The following TMEM163 variants were observed in gnomAD, a reference collection of about 807,000 sequenced individuals.
TMEM163 encodes the protein transmembrane protein 163.
Under a neutral mutation model 29.3 loss-of-function variants are expected in TMEM163, and 17 were observed. The observed-to-expected ratio is 0.58, with a 90% CI of 0.40 to 0.87. The LOEUF is 0.87. TMEM163 is among the 40% of genes least tolerant of loss of function. The pLI is 0.00. For synonymous variants in TMEM163, 157 were observed against 160.6 expected (o/e 0.98, Z 0.17); for missense variants, 303 against 381.5 (o/e 0.79, Z 1.71).
intron 2 of TMEM163, among the ~76,000 whole-genome samples, chr2:134,650,066 C>T (rs1683433372): frequency 6.7e-6 from 1 of 148,164 alleles, no homozygotes; most frequent in Non-Finnish European, 1.5e-5. Flanking sequence ...CAAAAATGTC[C>T]ATGATATACA....
intron 5 of TMEM163, among the ~76,000 whole-genome samples, chr2:134,502,526 T>A (rs1313310548): frequency 6.6e-6 from 1 of 152,098 alleles, no homozygotes; most frequent in African/African-American, 2.4e-5. Context: ...AGGAAAAAAA[T>A]AATTCTTAAT....
intron 6 of TMEM163, among the ~76,000 whole-genome samples, chr2:134,465,235 CACACACAT>C (rs372460080): frequency 5.7e-5 from 8 of 141,170 alleles, no homozygotes; most frequent in African/African-American, 2.4e-4. Flanking sequence ...TATATATACA[CACACACAT>C]ACACACACAC....
chr2:134,666,452 C>A (rs1180974502), intron 2 of TMEM163, among the ~76,000 whole-genome samples: 1 of 152,212 alleles, frequency 6.6e-6, no homozygotes, highest in East Asian at 1.9e-4. Flanking sequence ...TTTCTGCCTC[C>A]ACCTATGCCA....
rs190467531 is a variant in TMEM163, at chr2:134,552,641, C to T, written c.323-550G>A. 1.1e-4 allele frequency among the ~76,000 whole-genome samples: 16 copies of T among 148,070 alleles called. 1 individual carries two copies. Among genetic ancestry groups the T allele is most frequent in the South Asian group, 8.6e-4 (4 of 4,646 alleles). On this transcript the variant is annotated intron_variant, in intron 2 of 7. Transcript: ENST00000281924. ...AATGTCAATGCCACAATTCTAATTA[C>T]GACATATTTTGATCCTTTTTTTTTT...
At chr2:134,465,198 AAAAAAC>A (rs1430628116) in intron 6 of TMEM163, among the ~76,000 whole-genome samples, 3 of 144,364 alleles carry the variant, frequency 2.1e-5, no homozygotes, top group South Asian at 2.1e-4. Context: ...TTAAAAAAAA[AAAAAAC>A]AAAAACAAAA....
At chr2:134,533,169 T>C (rs769928772) in intron 4 of TMEM163, among the ~76,000 whole-genome samples, 1 of 152,168 alleles carries the variant, frequency 6.6e-6, no homozygotes, top group Non-Finnish European at 1.5e-5. Context: ...AACTCAGATT[T>C]CCTAATAGAC....
At position 134,663,532 on chromosome 2, in the gene TMEM163, A is replaced by G. The variant is rs114326538; in HGVS notation, c.322+49668T>C. On this transcript the variant is annotated intron_variant, in intron 2 of 7. Transcript: ENST00000281924. ...ATAAAGATGTCTAGGAGCCATGATCACATGCTCTAAATGTGTGCACCACAG... is the reference window on the plus strand; with the variant it reads ...ATAAAGATGTCTAGGAGCCATGATCGCATGCTCTAAATGTGTGCACCACAG... Among the ~76,000 whole-genome samples, 999 of 152,320 alleles carry G rather than the reference A, an allele frequency of 6.6e-3. 9 individuals are homozygous for G. Among genetic ancestry groups the G allele is most frequent in the African/African-American group, 0.023 (944 of 41,574 alleles).
intron 2 of TMEM163, among the ~76,000 whole-genome samples, chr2:134,629,503 G>T (rs1320314170): frequency 2.0e-5 from 3 of 152,088 alleles, no homozygotes; most frequent in Non-Finnish European, 4.4e-5. Context: ...TGGCAAGTTT[G>T]TATAGATACA....
chr2:134,561,870 CA>C (rs1253406508), intron 2 of TMEM163, among the ~76,000 whole-genome samples: 1 of 152,202 alleles, frequency 6.6e-6, no homozygotes, highest in Non-Finnish European at 1.5e-5. Flanking sequence ...CTATGTGTCC[CA>C]CACTATTCTG....
At chr2:134,581,952 T>C (rs1002345599) in intron 2 of TMEM163, among the ~76,000 whole-genome samples, 3 of 152,158 alleles carry the variant, frequency 2.0e-5, no homozygotes, top group Admixed American at 6.5e-5. Flanking sequence ...AACGGTGTCA[T>C]AAAGCTGAAG....
rs974112222 is a variant in TMEM163 at position 134,538,820 on chromosome 2, G to C, written c.458+11750C>G. On this transcript the variant is annotated intron_variant, in intron 4 of 7. Coordinates refer to ENST00000281924, the MANE Select transcript of TMEM163 (RefSeq NM_030923.5). ...AATAGACAGTGGCTGCGTGGGGCTG[G>C]GCATGGGGAAGGAGACCTGGGAGGG... Among the ~76,000 whole-genome samples, 20 of 152,288 alleles carry C rather than the reference G, an allele frequency of 1.3e-4. No individual in the cohort carries two copies. The East Asian group carries it at 3.1e-3, about 24-fold the overall frequency.
At position 134,544,351 on chromosome 2, in the gene TMEM163, G is replaced by A. The variant is rs898854864; in HGVS notation, c.458+6219C>T. The stretch of plus-strand genomic sequence containing the variant: ...CCTTTCCTCAGTATCCACTCTTCTC[G>A]TTTCCAAATCTCCTCAACCTTCATT... On this transcript the variant is annotated intron_variant, in intron 4 of 7. Transcript: ENST00000281924. 1.5e-4 allele frequency among the ~76,000 whole-genome samples: 23 copies of A among 152,174 alleles called. 1 individual carries two copies. In the East Asian group the frequency reaches 3.7e-3, roughly 24 times the overall value.
intron 2 of TMEM163, among the ~76,000 whole-genome samples, chr2:134,565,806 C>T (rs1408988074): frequency 6.6e-6 from 1 of 152,200 alleles, no homozygotes; most frequent in Non-Finnish European, 1.5e-5. Context: ...CACAACTACA[C>T]GTATGCATCT....
intron 2 of TMEM163, among the ~76,000 whole-genome samples, chr2:134,585,950 CT>C (rs1681813815): frequency 6.6e-6 from 1 of 152,084 alleles, no homozygotes; most frequent in Non-Finnish European, 1.5e-5. Context: ...GTATATGTTC[CT>C]CCCAGGGAAG....
chr2:134,523,189 G>C (rs1680224131), intron 4 of TMEM163, among the ~76,000 whole-genome samples: 1 of 152,206 alleles, frequency 6.6e-6, no homozygotes, highest in Non-Finnish European at 1.5e-5. Flanking sequence ...AACAGTGAGA[G>C]AGACATGCAA....
intron 2 of TMEM163, among the ~76,000 whole-genome samples, chr2:134,701,716 G>A (rs1320617927): frequency 6.6e-6 from 1 of 151,946 alleles, no homozygotes; most frequent in African/African-American, 2.4e-5. Flanking sequence ...TCAGGAGTTC[G>A]AGACCAGTCT....
intron 7 of TMEM163, 121 bp downstream of exon 7, chr2:134,457,911 A>G: frequency 6.7e-7 from 1 of 1,494,686 alleles, no homozygotes; most frequent in Non-Finnish European, 9.1e-7. Context: ...GGTCAGGCTC[A>G]GGAGGGGCAC....
Position 134,530,957 on chromosome 2 carries a change from T to C in TMEM163, c.458+19613A>G, listed in dbSNP as rs894032309. On this transcript the variant is annotated intron_variant, in intron 4 of 7. Transcript: ENST00000281924. ...CTTAGGATTCAAGGAGAAACTGACA[T>C]ATCCTTTTCTACATTTCCTCAACTG... Among the ~76,000 whole-genome samples the C allele has an allele frequency of 8.5e-5, 13 of 152,322 alleles. 1 individual carries two copies. Among genetic ancestry groups the C allele is most frequent in the Admixed American group, 7.2e-4 (11 of 15,304 alleles).
chr2:134,557,064 C>T (rs1050442659), intron 2 of TMEM163, among the ~76,000 whole-genome samples: 3 of 152,112 alleles, frequency 2.0e-5, no homozygotes, highest in Non-Finnish European at 2.9e-5. Flanking sequence ...GGGGAGTAAA[C>T]CATGCTGTTA....
Sources: gnomAD v4.1 joint callset for allele counts (sites outside exome capture counted in the v4.1 genomes callset) on GRCh38, gnomAD v4.1.1 for gene constraint, MANE v1.5 for transcripts, NCBI Gene and HGNC (gene_info 2026-07-23, HGNC 2026-07-21) for gene names.